Variants in CCNB3 observed in about 807,000 individuals in gnomAD.
CCNB3 encodes the protein G2/mitotic-specific cyclin-B3.
CCNB3 carries 12 observed loss-of-function variants against 68.0 expected under a neutral mutation model. The ratio of observed to expected loss-of-function variants is 0.18; its 90% confidence interval spans 0.11 to 0.29. The LOEUF is 0.29. CCNB3 is among the 10% of genes least tolerant of loss of function. The pLI, the probability that CCNB3 is intolerant of heterozygous loss-of-function variation, is 1.00. For missense variants in CCNB3, 904 were observed against 993.1 expected (o/e 0.91, Z 1.21); for synonymous variants, 354 against 388.9 (o/e 0.91, Z 1.06).
chrX:50,210,448 G>A (rs1359842160), intron 1 of CCNB3, among the ~76,000 whole-genome samples: 4 of 111,825 alleles, frequency 3.6e-5, no homozygotes, highest in African/African-American at 1.3e-4. Context: ...AAAATAGAAC[G>A]AAATTGCTTG....
rs782399081 is a variant in CCNB3 at position 50,302,166 on chromosome X, A to G, written c.336-6339A>G. 5.6e-4 allele frequency among the ~76,000 whole-genome samples: 63 copies of G among 112,268 alleles called. 1 individual carries two copies. The South Asian group carries it at 0.023, about 42-fold the overall frequency. ...CTGCACCCACTGTCTGGCACTCCCC[A>G]GTGAGGTGAATCTGGTACCTCAGTT... On this transcript the variant is annotated intron_variant, in intron 5 of 12. Transcript: ENST00000376042.
At chrX:50,205,020 G>A (rs1602172591) in intron 1 of CCNB3, 70 bp downstream of exon 1, 1 of 111,915 alleles carries the variant, frequency 8.9e-6, no homozygotes, top group Non-Finnish European at 1.9e-5. Flanking sequence ...TATAAATATA[G>A]AAGTATATCC....
At chrX:50,293,347 T>G (rs1213570315) in intron 4 of CCNB3, among the ~76,000 whole-genome samples, 1 of 111,023 alleles carries the variant, frequency 9.0e-6, no homozygotes, top group Non-Finnish European at 1.9e-5. Flanking sequence ...TTTAAGGTTT[T>G]TTTGTGTCTC....
At chrX:50,343,937 G>T (rs1923266372) in intron 9 of CCNB3, among the ~76,000 whole-genome samples, 1 of 111,638 alleles carries the variant, frequency 9.0e-6, no homozygotes, top group East Asian at 2.8e-4. Flanking sequence ...AAAGTCTATG[G>T]TAGTGTACAG....
intron 5 of CCNB3, among the ~76,000 whole-genome samples, chrX:50,302,778 G>C (rs1399966047): frequency 2.7e-5 from 3 of 111,600 alleles, no homozygotes; most frequent in African/African-American, 6.5e-5. Context: ...TGTCATAGCA[G>C]GTTGTCAGTA....
chrX:50,215,617 A>G (rs1935559927), intron 1 of CCNB3, among the ~76,000 whole-genome samples: 3 of 110,864 alleles, frequency 2.7e-5, no homozygotes, highest in Admixed American at 9.6e-5. Flanking sequence ...CCAACTGTAA[A>G]TGTGGATTTG....
intron 1 of CCNB3, among the ~76,000 whole-genome samples, chrX:50,221,436 C>G (rs1051314865): frequency 5.2e-4 from 58 of 111,729 alleles, no homozygotes; most frequent in Non-Finnish European, 1.5e-4. Context: ...CCTCTAAACA[C>G]TGCTTTAGCT....
chrX:50,225,479 T>G (rs1040252492), intron 1 of CCNB3, among the ~76,000 whole-genome samples: 1 of 110,650 alleles, frequency 9.0e-6, no homozygotes, highest in Non-Finnish European at 1.9e-5. Flanking sequence ...AGGGACACGA[T>G]ACCATTTTTC....
chrX:50,216,884 T>A (rs1935581157), intron 1 of CCNB3, among the ~76,000 whole-genome samples: 1 of 111,243 alleles, frequency 9.0e-6, no homozygotes, highest in African/African-American at 3.3e-5. Context: ...TATTTTCAGA[T>A]TCTTCTGGAG....
chrX:50,351,094 C>G, intron 11 of CCNB3, 147 bp from the exon 12 acceptor site: 1 of 597,040 alleles, frequency 1.7e-6, no homozygotes, highest in Non-Finnish European at 2.6e-6. Flanking sequence ...AATTATTGAT[C>G]AGCGTCCAGA....
chrX:50,322,186 A>C (rs1922054717), intron 8 of CCNB3, among the ~76,000 whole-genome samples: 1 of 109,590 alleles, frequency 9.1e-6, no homozygotes, highest in Non-Finnish European at 1.9e-5. Context: ...ACAAGGCCAC[A>C]GTAACCAAAA....
chrX:50,223,426 G>A (rs2146988723), intron 1 of CCNB3, among the ~76,000 whole-genome samples: 1 of 111,594 alleles, frequency 9.0e-6, no homozygotes, highest in South Asian at 3.8e-4. Flanking sequence ...TTTGATGTTG[G>A]TGACCTTCGG....
chrX:50,279,650 T>C (rs1412636094), intron 1 of CCNB3, among the ~76,000 whole-genome samples: 2 of 90,421 alleles, frequency 2.2e-5, no homozygotes, highest in Admixed American at 1.5e-4. Flanking sequence ...ATATGTACAT[T>C]CATCTATGTA....
chrX:50,301,875 A>T (rs1315845797), intron 5 of CCNB3, among the ~76,000 whole-genome samples: 2 of 112,147 alleles, frequency 1.8e-5, no homozygotes, highest in Non-Finnish European at 3.8e-5. Flanking sequence ...TTGCAGTTTG[A>T]TCTCAGACTG....
intron 1 of CCNB3, among the ~76,000 whole-genome samples, chrX:50,214,903 GT>G (rs1254050713): frequency 2.3e-4 from 23 of 101,522 alleles, no homozygotes; most frequent in African/African-American, 3.6e-4. Context: ...TCAGTTCAGT[GT>G]TTTTTTTTTA....
intron 1 of CCNB3, among the ~76,000 whole-genome samples, chrX:50,215,894 A>T (rs1264930935): frequency 1.2e-5 from 1 of 86,799 alleles, no homozygotes; most frequent in Admixed American, 1.2e-4. Flanking sequence ...ATATCATTGT[A>T]TTTGAAGGGG....
intron 1 of CCNB3, among the ~76,000 whole-genome samples, chrX:50,227,901 TAG>T (rs1441595405): frequency 5.7e-4 from 47 of 81,965 alleles, no homozygotes; most frequent in African/African-American, 2.1e-3. Context: ...TATAAATATA[TAG>T]AGAGAATATA....
Position 50,332,517 on chromosome X carries a change from A to G in CCNB3, c.3517-9685A>G, listed in dbSNP as rs72619068. 2.9e-4 allele frequency among the ~76,000 whole-genome samples: 32 copies of G among 111,763 alleles called. No homozygotes were observed. The East Asian group carries it at 8.8e-3, about 31-fold the overall frequency. ...AATTATAAGGAAAATGAGTCCCACG[A>G]TGATCCTCCTCATGCTTCGGCTGTG... On this transcript the variant is annotated intron_variant, in intron 8 of 12. Transcript: ENST00000376042.
chrX:50,343,827 T>A (rs935666071), intron 9 of CCNB3, among the ~76,000 whole-genome samples: 1 of 112,731 alleles, frequency 8.9e-6, no homozygotes, highest in African/African-American at 3.2e-5. Context: ...GTCAAAGTTT[T>A]ACAAAATAAA....
Sources: gnomAD v4.1 joint callset for allele counts (sites outside exome capture counted in the v4.1 genomes callset) on GRCh38, gnomAD v4.1.1 for gene constraint, MANE v1.5 for transcripts, NCBI Gene and HGNC (gene_info 2026-07-23, HGNC 2026-07-21) for gene names.